Variants in GRK7 observed in about 807,000 individuals in gnomAD.
GRK7 encodes G protein-coupled receptor kinase 7.
Under a neutral mutation model 34.1 loss-of-function variants are expected in GRK7, and 24 were observed. That is an observed-to-expected ratio of 0.70 (90% CI 0.51 to 0.99). The LOEUF (loss-of-function observed/expected upper bound fraction) is 0.99. Ranked by LOEUF, GRK7 falls within the 50% of genes least tolerant of loss-of-function variation. The pLI is 0.00. For synonymous variants in GRK7, 256 were observed against 279.4 expected (o/e 0.92, Z 0.84); for missense variants, 644 against 707.3 (o/e 0.91, Z 1.02).
chr3:141,788,520 G>A (rs768123654), intron 4 of GRK7, among the ~76,000 whole-genome samples: 5 of 152,176 alleles, frequency 3.3e-5, no homozygotes, highest in African/African-American at 4.8e-5. Context: ...TGGAGGGCTA[G>A]GGGACAGAGA....
intron 1 of GRK7, among the ~76,000 whole-genome samples, chr3:141,771,746 G>T (rs1023740753): frequency 2.0e-5 from 3 of 151,906 alleles, no homozygotes; most frequent in African/African-American, 7.3e-5. Flanking sequence ...GAGCAGTGGC[G>T]CAATCTAGGC....
At chr3:141,768,319 G>A (rs1224998160) in intron 1 of GRK7, among the ~76,000 whole-genome samples, 2 of 149,178 alleles carry the variant, frequency 1.3e-5, no homozygotes, top group African/African-American at 5.0e-5. Flanking sequence ...CCCCAGGAGT[G>A]CAGTGGTGCA....
At chr3:141,789,432 T>C (rs114739244) in intron 4 of GRK7, among the ~76,000 whole-genome samples, 2,895 of 152,208 alleles carry the variant, frequency 0.019, 47 homozygotes, top group Middle Eastern at 0.034. Context: ...GAAAACATTT[T>C]CTTTATGAAT....
rs1386440383 is a variant in GRK7 at position 141,778,071 on chromosome 3, G to A, written c.-113-101G>A. On this transcript the variant is annotated intron_variant, in intron 2 of 5. Coordinates refer to ENST00000682958, the MANE Select transcript of GRK7 (RefSeq NM_139209.3). This position sits in a 1 kb window ranked among gnomAD's most constrained non-coding sequence, Gnocchi z 4.1. ...GCAGCTTTCGCCTTGGCAGGTGGGAGCATGACCTATCGTGTGCAGTTCCTG... is the reference window on the plus strand; with the variant it reads ...GCAGCTTTCGCCTTGGCAGGTGGGAACATGACCTATCGTGTGCAGTTCCTG... The A allele has an allele frequency of 1.8e-6, 1 of 564,100 alleles. No individual in the cohort carries two copies. 34.9% of individuals were successfully genotyped at this position (564,100 alleles called of 1,614,324 possible).
At chr3:141,756,106 G>GT in the GRK7 span, among the ~76,000 whole-genome samples, 1 of 151,854 alleles carries the variant, frequency 6.6e-6, no homozygotes, top group African/African-American at 2.4e-5. Flanking sequence ...GAGGTCAGGG[G>GT]TTCAAGACCA....
chr3:141,755,437 C>CTG, the GRK7 span, among the ~76,000 whole-genome samples: 9,914 of 152,262 alleles, frequency 0.065, 323 homozygotes, highest in South Asian at 0.11. Flanking sequence ...CATTTAGCTT[C>CTG]TCTTAAGAAT....
At chr3:141,755,624 C>T in the GRK7 span, among the ~76,000 whole-genome samples, 1 of 152,164 alleles carries the variant, frequency 6.6e-6, no homozygotes, top group Admixed American at 6.5e-5. Context: ...ATTAAAATCA[C>T]AATGAAACAC....
chr3:141,787,612 G>A (rs2084703021), intron 4 of GRK7, among the ~76,000 whole-genome samples: 1 of 140,602 alleles, frequency 7.1e-6, no homozygotes, highest in African/African-American at 2.8e-5. Flanking sequence ...GCAACAAAGT[G>A]AGACTCTGCC....
At chr3:141,767,759 C>T (rs1233009443) in intron 1 of GRK7, among the ~76,000 whole-genome samples, 1 of 152,172 alleles carries the variant, frequency 6.6e-6, no homozygotes, top group Non-Finnish European at 1.5e-5. Flanking sequence ...AATATCTCAG[C>T]TTTCTCCTTT....
the GRK7 span, among the ~76,000 whole-genome samples, chr3:141,757,009 T>A: frequency 6.6e-6 from 1 of 152,070 alleles, no homozygotes; most frequent in East Asian, 1.9e-4. Context: ...TTTTTCAGGG[T>A]TTTAAATGTG....
chr3:141,762,553 T>C (rs901793892), upstream of GRK7, among the ~76,000 whole-genome samples: 32 of 151,476 alleles, frequency 2.1e-4, no homozygotes, highest in Non-Finnish European at 1.3e-4. Flanking sequence ...CTGCAGAGGT[T>C]ACTGCTGTCT....
chr3:141,807,554 T>C lies in GRK7; in HGVS notation c.1051-91T>C, dbSNP rs1427319608. On this transcript the variant is annotated intron_variant, in intron 4 of 5. Transcript: ENST00000682958. ...CCTCAACAAGGGAAGAAAAGGAGAA[T>C]GTGTATTAGGTAGGCAGTCAGCAGT... 1.1e-5 allele frequency: 12 copies of C among 1,095,936 alleles called. No individual in the cohort carries two copies. In the East Asian group the frequency reaches 1.2e-4, roughly 11 times the overall value. 67.9% of individuals were successfully genotyped at this position (1,095,936 alleles called of 1,614,324 possible). A position where few individuals can be genotyped will look rare whatever the true frequency, so the allele number is the denominator to read the frequency against.
intron 4 of GRK7, among the ~76,000 whole-genome samples, chr3:141,791,222 A>C (rs1198819160): frequency 1.3e-5 from 2 of 152,170 alleles, no homozygotes; most frequent in Non-Finnish European, 2.9e-5. Context: ...TTGGTATTAT[A>C]TTTATTTCGA....
chr3:141,792,298 G>A (rs570577667), intron 4 of GRK7, among the ~76,000 whole-genome samples: 2 of 151,984 alleles, frequency 1.3e-5, no homozygotes, highest in East Asian at 3.9e-4. Flanking sequence ...CAGCTACTCG[G>A]GAGGCTGAGG....
At chr3:141,773,921 G>A (rs111476940) in intron 1 of GRK7, among the ~76,000 whole-genome samples, 2,386 of 152,288 alleles carry the variant, frequency 0.016, 29 homozygotes, top group Non-Finnish European at 0.024. Context: ...CCCAAGCAGT[G>A]CTGGACTTAG....
Position 141,807,779 on chromosome 3 carries a change from G to A in GRK7, c.1185G>A (p.Lys395=). 1 of 1,614,178 alleles carries A rather than the reference G, an allele frequency of 6.2e-7. No homozygotes were observed. The highest frequency in any genetic ancestry group is 8.5e-7 in the Non-Finnish European group (1 of 1,180,014). The change falls in exon 5 of 6, where the codon AAG becomes AAA. Residue 395 remains lysine, a synonymous_variant. Transcript: ENST00000682958. ...VAGRTPFKDY[K]EKVSKEDLKQ... ...GACGAACACCATTCAAAGATTACAA[G>A]GAAAAGGTCAGTAAAGAGGATCTGA...
At chr3:141,779,896 C>T (rs1032759801) in intron 3 of GRK7, among the ~76,000 whole-genome samples, 28 of 152,356 alleles carry the variant, frequency 1.8e-4, no homozygotes, top group African/African-American at 6.3e-4. Flanking sequence ...GGATGTACTA[C>T]ATTTCATGTA....
chr3:141,789,320 C>T (rs998738260), intron 4 of GRK7, among the ~76,000 whole-genome samples: 8 of 152,204 alleles, frequency 5.3e-5, no homozygotes, highest in Admixed American at 2.0e-4. Context: ...TTCCCAGCTT[C>T]GCTCTTCTCT....
At chr3:141,753,652 G>A in the GRK7 span, among the ~76,000 whole-genome samples, 1 of 152,156 alleles carries the variant, frequency 6.6e-6, no homozygotes, top group Admixed American at 6.5e-5. Flanking sequence ...TTCCTAACAG[G>A]CCAGGGACTG....
Sources: allele counts gnomAD v4.1 joint callset (sites outside exome capture counted in the v4.1 genomes callset), GRCh38; gene constraint gnomAD v4.1.1; non-coding constraint Gnocchi (gnomAD v3.1); transcripts MANE v1.5; gene names NCBI Gene and HGNC (gene_info 2026-07-23, HGNC 2026-07-21).